CPED1: variants seen among roughly 807,000 people sequenced by gnomAD.
CPED1 encodes the protein cadherin-like and PC-esterase domain-containing protein 1.
Under a neutral mutation model 128.2 loss-of-function variants are expected in CPED1, and 114 were observed. The observed-to-expected ratio is 0.89, with a 90% confidence interval of 0.76 to 1.04. CPED1 has a LOEUF of 1.04. Ranked by LOEUF, CPED1 falls within the 50% of genes least tolerant of loss-of-function variation. The pLI is 0.00. For synonymous variants in CPED1, 462 were observed against 426.7 expected, an observed-to-expected ratio of 1.08 and a Z score of -1.02; for missense variants, 1,211 against 1,207.1, an observed-to-expected ratio of 1.00 and a Z score of -0.05.
Position 120,989,457 on chromosome 7 carries a change from T to A in CPED1, c.-165T>A. On this transcript the variant is annotated 5_prime_UTR_variant, in exon 2 of 23. An upstream start codon of the reference 5' UTR is lost. Transcript: ENST00000310396. The stretch of plus-strand genomic sequence containing the variant: ...AAAAGCCTCAGACTTTCGGGACCTA[T>A]GATTCTTTGGCACAACCTTTTGGAA... 1.2e-6 allele frequency: 1 copy of A among 806,616 alleles called. No homozygotes were observed. The allele number at this position is 806,616 out of a possible 1,614,324, so 50.0% of individuals were successfully genotyped here.
chr7:121,072,532 A>G (rs1193509131), intron 5 of CPED1, among the ~76,000 whole-genome samples: 4 of 152,136 alleles, frequency 2.6e-5, no homozygotes, highest in African/African-American at 9.7e-5. Context: ...GGAACCCTGT[A>G]CCTCCATGAT....
At chr7:121,102,069 C>G (rs1446905919) in intron 7 of CPED1, among the ~76,000 whole-genome samples, 1 of 151,986 alleles carries the variant, frequency 6.6e-6, no homozygotes, top group Non-Finnish European at 1.5e-5. Context: ...TGCTCATGCC[C>G]CTTCACTTAA....
intron 16 of CPED1, among the ~76,000 whole-genome samples, chr7:121,182,203 T>TTTG (rs1364160571): frequency 6.6e-6 from 1 of 151,256 alleles, no homozygotes; most frequent in East Asian, 1.9e-4. Context: ...ATGAGAGCTT[T>TTTG]TTTTTTTTTT....
chr7:121,121,566 C>T (rs1794230865), intron 7 of CPED1, among the ~76,000 whole-genome samples: 1 of 152,010 alleles, frequency 6.6e-6, no homozygotes, highest in Non-Finnish European at 1.5e-5. Flanking sequence ...TATTTTATTG[C>T]CAATATACTG....
intron 12 of CPED1, among the ~76,000 whole-genome samples, chr7:121,133,187 G>C (rs1795713135): frequency 6.6e-6 from 1 of 152,010 alleles, no homozygotes; most frequent in South Asian, 2.1e-4. Flanking sequence ...CCTGCCTGCT[G>C]TTCTTTATCA....
At chr7:121,045,302 C>A (rs1476753363) in intron 3 of CPED1, among the ~76,000 whole-genome samples, 5 of 152,182 alleles carry the variant, frequency 3.3e-5, no homozygotes, top group African/African-American at 1.2e-4. Context: ...TCTTGAGATA[C>A]ATCAAGCAAA....
At chr7:121,133,548 AC>A (rs1334504469) in intron 12 of CPED1, among the ~76,000 whole-genome samples, 3 of 152,012 alleles carry the variant, frequency 2.0e-5, no homozygotes, top group African/African-American at 7.2e-5. Flanking sequence ...CTTCTATTGG[AC>A]CCAAGCTATC....
intron 1 of CPED1, 180 bp downstream of exon 1, chr7:120,989,092 A>C (rs1488851643): frequency 6.4e-6 from 1 of 155,478 alleles, no homozygotes; most frequent in African/African-American, 2.4e-5. Context: ...TGAAAGCAAG[A>C]CTGCTTTAAA....
At chr7:121,006,163 C>T (rs1483776916) in intron 2 of CPED1, among the ~76,000 whole-genome samples, 2 of 152,288 alleles carry the variant, frequency 1.3e-5, no homozygotes, top group East Asian at 3.9e-4. Context: ...TATTTTAAGG[C>T]TGAATTGCTG....
intron 7 of CPED1, among the ~76,000 whole-genome samples, chr7:121,101,304 C>T (rs1794844811): frequency 6.6e-6 from 1 of 152,036 alleles, no homozygotes; most frequent in Non-Finnish European, 1.5e-5. Flanking sequence ...TACTTCCCCA[C>T]ATTGTTTACA....
At chr7:121,062,791 C>T (rs1701261598) in intron 4 of CPED1, 1 of 152,112 alleles carries the variant, frequency 6.6e-6, no homozygotes, top group Admixed American at 6.6e-5. Context: ...CGGTTTCCCC[C>T]ATCCTATTCT....
At chr7:121,249,300 C>G (rs1245664022) in intron 18 of CPED1, among the ~76,000 whole-genome samples, 1 of 152,076 alleles carries the variant, frequency 6.6e-6, no homozygotes, top group African/African-American at 2.4e-5. Flanking sequence ...AAGAGGTTAA[C>G]ATGCACATTC....
Position 121,266,826 on chromosome 7 carries a change from T to TA in CPED1, c.2633+20dup. The TA allele has an allele frequency of 6.5e-7, 1 of 1,549,340 alleles. No homozygotes were observed. Among genetic ancestry groups the TA allele is most frequent in the Admixed American group, 1.7e-5 (1 of 59,760 alleles). ...TTGAAGAGGTAAATGTCTGCAACAA[T>TA]AATTGTCATTAGTATTCTAAGTCAA... is the stretch of plus-strand genomic sequence containing the variant. On this transcript the variant is annotated intron_variant, in intron 20 of 22. Coordinates refer to ENST00000310396, the MANE Select transcript of CPED1 (RefSeq NM_024913.5).
chr7:121,273,538 A>G (rs1373865176), intron 22 of CPED1, among the ~76,000 whole-genome samples: 1 of 151,980 alleles, frequency 6.6e-6, no homozygotes, highest in Non-Finnish European at 1.5e-5. Flanking sequence ...AAAAAAAAAA[A>G]TCCATCTTGG....
intron 9 of CPED1, 122 bp downstream of exon 9, chr7:121,126,014 T>C (rs1795496272): frequency 7.2e-6 from 5 of 695,436 alleles, no homozygotes; most frequent in Non-Finnish European, 1.3e-5. Context: ...GCAAAAGTAC[T>C]GTAGGCTTAT....
chr7:121,042,144 CT>C (rs1793075539), intron 3 of CPED1, among the ~76,000 whole-genome samples: 1 of 143,786 alleles, frequency 7.0e-6, no homozygotes, highest in South Asian at 2.2e-4. Flanking sequence ...AAAAAAAAAA[CT>C]AAGAAAGTTT....
chr7:121,136,491 A>T (rs1339764587), intron 14 of CPED1, among the ~76,000 whole-genome samples: 1 of 152,074 alleles, frequency 6.6e-6, no homozygotes, highest in Non-Finnish European at 1.5e-5. Flanking sequence ...TCTTTGTAAC[A>T]GTTGAGAGTT....
At chr7:121,138,868 G>A (rs933053947) in intron 14 of CPED1, among the ~76,000 whole-genome samples, 8 of 151,706 alleles carry the variant, frequency 5.3e-5, no homozygotes, top group African/African-American at 1.7e-4. Flanking sequence ...GTTATATTGG[G>A]TTTGCAGCCA....
intron 16 of CPED1, 34 bp from the exon 17 acceptor site, chr7:121,236,680 A>C: frequency 7.7e-7 from 1 of 1,291,408 alleles, no homozygotes; most frequent in Non-Finnish European, 1.1e-6. Context: ...CAAGTTAATT[A>C]ATACAACAAC....
Sources: gnomAD v4.1 joint callset for allele counts (sites outside exome capture counted in the v4.1 genomes callset) on GRCh38, gnomAD v4.1.1 for gene constraint, MANE v1.5 for transcripts, NCBI Gene and HGNC (gene_info 2026-07-23, HGNC 2026-07-21) for gene names.